The following NUP214 variants were observed in gnomAD, a reference collection of about 807,000 sequenced individuals.
NUP214 encodes the protein nuclear pore complex protein Nup214.
NUP214 carries 79 observed loss-of-function variants against 196.2 expected under a neutral mutation model. That is an observed-to-expected ratio of 0.40 (90% CI 0.34 to 0.49). The LOEUF (loss-of-function observed/expected upper bound fraction) is 0.49, where lower values mean the gene tolerates loss of function less well. NUP214 is among the 20% of genes least tolerant of loss of function. NUP214 has a pLI of 0.58. For missense variants in NUP214, 2,468 were observed against 2,539.0 expected, an observed-to-expected ratio of 0.97 and a Z score of 0.60; for synonymous variants, 1,020 against 990.5, an observed-to-expected ratio of 1.03 and a Z score of -0.56.
intron 27 of NUP214, among the ~76,000 whole-genome samples, chr9:131,193,629 CTTTTTTTTTTTTTTT>C (rs71389402): frequency 6.4e-4 from 18 of 28,228 alleles, no homozygotes; most frequent in East Asian, 2.4e-3. Flanking sequence ...TCTTCCTTTT[CTTTTTTTTTTTTTTT>C]TTTTTTTTTT....
intron 31 of NUP214, among the ~76,000 whole-genome samples, chr9:131,217,881 A>G (rs1834447376): frequency 6.6e-6 from 1 of 152,244 alleles, no homozygotes; most frequent in African/African-American, 2.4e-5. Flanking sequence ...GCACGGACAC[A>G]TGAGAGCCAG....
At chr9:131,188,056 C>T (rs1833502520) in intron 25 of NUP214, among the ~76,000 whole-genome samples, 1 of 152,214 alleles carries the variant, frequency 6.6e-6, no homozygotes, top group Non-Finnish European at 1.5e-5. Context: ...GCAGCCTAGG[C>T]TTGAGTGACC....
intron 25 of NUP214, among the ~76,000 whole-genome samples, chr9:131,187,868 T>C (rs1012302098): frequency 6.6e-6 from 1 of 152,238 alleles, no homozygotes; most frequent in South Asian, 2.1e-4. Flanking sequence ...GACCTGATAC[T>C]GTCTTCATAG....
intron 27 of NUP214, among the ~76,000 whole-genome samples, chr9:131,194,804 T>G (rs543572036): frequency 6.6e-6 from 1 of 152,352 alleles, no homozygotes; most frequent in East Asian, 1.9e-4. Flanking sequence ...GGAGGGGTTC[T>G]GAGAGGCTCT....
chr9:131,133,524 G>A, intron 7 of NUP214: 1 of 178,096 alleles, frequency 5.6e-6, no homozygotes, highest in Non-Finnish European at 1.2e-5. Flanking sequence ...GGCTGGTCTT[G>A]AACTCCTGAG....
intron 23 of NUP214, 79 bp downstream of exon 23, chr9:131,175,700 G>C (rs1331974707): frequency 1.3e-6 from 2 of 1,512,082 alleles, no homozygotes; most frequent in Non-Finnish European, 1.8e-6. Context: ...CAGGTGGCAA[G>C]AAACAGTGGG....
chr9:131,216,978 C>A (rs898790641), intron 31 of NUP214, among the ~76,000 whole-genome samples: 11 of 152,258 alleles, frequency 7.2e-5, no homozygotes, highest in African/African-American at 2.4e-4. Flanking sequence ...ATGTGCCCTA[C>A]ATGAAGTTTC....
Position 131,128,375 on chromosome 9 carries a change from C to G in NUP214, c.285C>G (p.Ile95Met). ...QGLLVPMKFP[I>M]HHLALSCDNL... ...TGCTAGTTCCTATGAAATTCCCAAT[C>G]CATCACCTGGCCTTGAGCTGTGATA... is the stretch of plus-strand genomic sequence containing the variant. The change falls in exon 3 of 36, where the codon ATC becomes ATG. Residue 95 changes from isoleucine (I) to methionine (M), a missense_variant. Transcript: ENST00000359428. 1 of 1,613,300 alleles carries G rather than the reference C, an allele frequency of 6.2e-7. No homozygotes were observed. The highest frequency in any genetic ancestry group is 8.5e-7 in the Non-Finnish European group (1 of 1,179,478).
chr9:131,148,905 G>GT (rs1217872085), intron 14 of NUP214, among the ~76,000 whole-genome samples: 1 of 151,926 alleles, frequency 6.6e-6, no homozygotes, highest in Non-Finnish European at 1.5e-5. Context: ...AAGTATATCA[G>GT]TTTTTTCTTT....
chr9:131,234,054 T>A lies in NUP214; in HGVS notation c.*567T>A. 1 of 254,480 alleles carries A rather than the reference T, an allele frequency of 3.9e-6. No homozygotes were observed. The highest frequency in any genetic ancestry group is 7.6e-6 in the Non-Finnish European group (1 of 130,854). The allele number at this position is 254,480 out of a possible 1,614,324, so 15.8% of individuals were successfully genotyped here. On this transcript the variant is annotated 3_prime_UTR_variant, in exon 36 of 36. Coordinates refer to ENST00000359428, the MANE Select transcript of NUP214 (RefSeq NM_005085.4). The stretch of plus-strand genomic sequence containing the variant: ...GCCACTCATGCCAGCAGCAGTTGAG[T>A]TTCAGAAGCAGCCATAGCGCTTTTC...
intron 21 of NUP214, among the ~76,000 whole-genome samples, chr9:131,168,124 A>AC (rs1187656808): frequency 6.6e-6 from 1 of 152,176 alleles, no homozygotes; most frequent in Non-Finnish European, 1.5e-5. Context: ...TCCTGGCCTT[A>AC]CGTGATCTTC....
intron 8 of NUP214, 121 bp downstream of exon 8, chr9:131,135,125 C>A: frequency 1.4e-6 from 1 of 720,414 alleles, no homozygotes; most frequent in Non-Finnish European, 2.3e-6. Flanking sequence ...GGTCTCACTC[C>A]ATTACCCAGG....
chr9:131,204,918 G>A (rs897666908), intron 30 of NUP214, among the ~76,000 whole-genome samples: 1 of 152,170 alleles, frequency 6.6e-6, no homozygotes, highest in Admixed American at 6.5e-5. Flanking sequence ...ATCTTCTAGG[G>A]TGCCATAGGC....
rs71389402 is a variant in NUP214, at chr9:131,193,629, CTTTTTTTTTTTTTTTTTTTTT to C, written c.3659+1350_3659+1370del. Among the ~76,000 whole-genome samples, 12 of 28,218 alleles carry C rather than the reference CTTTTTTTTTTTTTTTTTTTTT, an allele frequency of 4.3e-4. 1 individual carries two copies. Among genetic ancestry groups the C allele is most frequent in the South Asian group, 2.0e-3 (1 of 502 alleles). The allele number at this position is 28,218 out of a possible 152,430, so 18.5% of individuals were successfully genotyped here. On this transcript the variant is annotated intron_variant, in intron 27 of 35. Transcript: ENST00000359428. ...GTGAAATGATATTCTTCTTCCTTTT[CTTTTTTTTTTTTTTTTTTTTT>C]TTTTTTTTTTTTGGATTTTCAGGCA...
At chr9:131,162,118 C>G (rs536476092) in intron 18 of NUP214, among the ~76,000 whole-genome samples, 2 of 152,300 alleles carry the variant, frequency 1.3e-5, no homozygotes, top group South Asian at 4.1e-4. Flanking sequence ...GACACCCCTG[C>G]TGTACAGCAT....
rs4740417 is a variant in NUP214 at position 131,163,311 on chromosome 9, T to G, written c.2723+138T>G. 6.6e-6 allele frequency: 5 copies of G among 756,374 alleles called. No homozygotes were observed. The South Asian group carries it at 1.1e-4, about 17-fold the overall frequency. 46.9% of individuals were successfully genotyped at this position (756,374 alleles called of 1,614,324 possible). On this transcript the variant is annotated intron_variant, in intron 19 of 35. Coordinates refer to ENST00000359428, the MANE Select transcript of NUP214 (RefSeq NM_005085.4). ...TGTAATCCTGGTCAGGGTCCCACCC[T>G]CTCTGATCCTTTGTTTCTTTGCCTA...
In NUP214 at chr9:131,143,381, T is replaced by G. The variant is rs541764613; in HGVS notation, c.1295-899T>G. 1.2e-4 allele frequency among the ~76,000 whole-genome samples: 19 copies of G among 152,306 alleles called. No homozygotes were observed. The East Asian group carries it at 3.7e-3, about 29-fold the overall frequency. On this transcript the variant is annotated intron_variant, in intron 11 of 35. Coordinates refer to ENST00000359428, the MANE Select transcript of NUP214 (RefSeq NM_005085.4). ...TATCTTTTTCATTTTTTGCATTATGTTTGTAAGCTTTATTCTTAGAAGAGA... is the reference window on the plus strand; with the variant it reads ...TATCTTTTTCATTTTTTGCATTATGGTTGTAAGCTTTATTCTTAGAAGAGA...
intron 28 of NUP214, 107 bp from the exon 29 acceptor site, chr9:131,197,109 C>T: frequency 6.7e-7 from 1 of 1,483,038 alleles, no homozygotes; most frequent in Non-Finnish European, 9.1e-7. Flanking sequence ...CACCCTGACT[C>T]TGTAGAGGGA....
rs768064951 is a variant in NUP214, at chr9:131,233,546, G to A, written c.*59G>A. On this transcript the variant is annotated 3_prime_UTR_variant, in exon 36 of 36. Coordinates refer to ENST00000359428, the MANE Select transcript of NUP214 (RefSeq NM_005085.4). ...CAACCGCATCCTCAGCTTCTTCCCC[G>A]AGAAATGCTGGAGCAGGCTGTTCAG... 40 of 1,601,800 alleles carry A rather than the reference G, an allele frequency of 2.5e-5. No individual in the cohort carries two copies. Among genetic ancestry groups the A allele is most frequent in the East Asian group, 6.7e-5 (3 of 44,762 alleles).
Sources: allele counts gnomAD v4.1 joint callset (sites outside exome capture counted in the v4.1 genomes callset), GRCh38; gene constraint gnomAD v4.1.1; transcripts MANE v1.5; gene names NCBI Gene and HGNC (gene_info 2026-07-23, HGNC 2026-07-21).